TENM2: variants seen among roughly 807,000 people sequenced by gnomAD.
TENM2 encodes the protein teneurin-2.
A neutral mutation model predicts 245.2 loss-of-function variants in TENM2; 52 were observed. That is an observed-to-expected ratio of 0.21 (90% confidence interval 0.17 to 0.27). The LOEUF (loss-of-function observed/expected upper bound fraction) is 0.27. Ranked by LOEUF, TENM2 falls within the 10% of genes least tolerant of loss-of-function variation. TENM2 has a pLI of 1.00. For synonymous variants in TENM2, 1,363 were observed against 1,438.9 expected, an observed-to-expected ratio of 0.95 and a Z score of 1.19; for missense variants, 3,046 against 3,666.8, an observed-to-expected ratio of 0.83 and a Z score of 4.37.
At chr5:167,275,656 G>T in the TENM2 span, among the ~76,000 whole-genome samples, 1 of 151,980 alleles carries the variant, frequency 6.6e-6, no homozygotes, top group African/African-American at 2.4e-5. Flanking sequence ...GTGCCCATGT[G>T]TTCATTGCTA....
intron 2 of TENM2, among the ~76,000 whole-genome samples, chr5:167,675,876 A>G (rs1336922612): frequency 6.6e-6 from 1 of 152,104 alleles, no homozygotes; most frequent in African/African-American, 2.4e-5. Flanking sequence ...CAGTAAATTT[A>G]TCTTCCCTCC....
chr5:167,671,976 T>C (rs1755978361), intron 2 of TENM2, among the ~76,000 whole-genome samples: 1 of 152,016 alleles, frequency 6.6e-6, no homozygotes, highest in African/African-American at 2.4e-5. Context: ...TTTCCTGCAT[T>C]ATCTCACTTA....
At chr5:167,072,200 A>G in the TENM2 span, among the ~76,000 whole-genome samples, 1 of 152,172 alleles carries the variant, frequency 6.6e-6, no homozygotes, top group African/African-American at 2.4e-5. Flanking sequence ...GGAGGAATAC[A>G]TTTAGCATCC....
chr5:167,840,373 A>G (rs1676143867), intron 2 of TENM2, among the ~76,000 whole-genome samples: 2 of 152,186 alleles, frequency 1.3e-5, no homozygotes, highest in South Asian at 4.1e-4. Context: ...AAATATCATG[A>G]GAGAGAAATG....
In TENM2 at chr5:168,109,859, T is replaced by A. The variant is rs1794533828; in HGVS notation, c.1814-8433T>A. Among the ~76,000 whole-genome samples the A allele has an allele frequency of 2.0e-5, 3 of 152,098 alleles. No individual in the cohort carries two copies. In the South Asian group the frequency reaches 6.2e-4, roughly 32 times the overall value. On this transcript the variant is annotated intron_variant, in intron 9 of 28. Coordinates refer to ENST00000518659, the Ensembl canonical transcript of TENM2. Reference sequence around the variant, plus strand: ...ATGGAGGAGCCCTTTCCTCCCCAGTTTGGAAGTTGCAGTGCACATTATTTG... The same window carrying A: ...ATGGAGGAGCCCTTTCCTCCCCAGTATGGAAGTTGCAGTGCACATTATTTG...
chr5:167,255,327 G>A, the TENM2 span, among the ~76,000 whole-genome samples: 1 of 152,008 alleles, frequency 6.6e-6, no homozygotes, highest in Non-Finnish European at 1.5e-5. Flanking sequence ...TTTCCTTTCA[G>A]ATGACTGTAA....
chr5:167,872,651 G>A (rs1773085932), intron 2 of TENM2, among the ~76,000 whole-genome samples: 1 of 152,222 alleles, frequency 6.6e-6, no homozygotes, highest in Admixed American at 6.5e-5. Context: ...GTACCAGTAA[G>A]CAGAGTTGAA....
chr5:167,555,974 A>G (rs186164459), intron 2 of TENM2, among the ~76,000 whole-genome samples: 1 of 152,092 alleles, frequency 6.6e-6, no homozygotes, highest in African/African-American at 2.4e-5. Flanking sequence ...CTCAAATCCT[A>G]TGTTTGGGGA....
intron 2 of TENM2, among the ~76,000 whole-genome samples, chr5:167,510,416 T>A (rs1769861625): frequency 6.6e-6 from 1 of 152,186 alleles, no homozygotes; most frequent in African/African-American, 2.4e-5. Flanking sequence ...AGCACCCATT[T>A]GTAGAGCTCA....
intron 3 of TENM2, among the ~76,000 whole-genome samples, chr5:167,896,629 G>C (rs989556227): frequency 2.0e-5 from 3 of 152,186 alleles, no homozygotes; most frequent in African/African-American, 7.2e-5. Flanking sequence ...AGGTGGAAAT[G>C]TGCCCTTATT....
chr5:167,872,360 AG>A (rs1561880501), intron 2 of TENM2, among the ~76,000 whole-genome samples: 18 of 144,584 alleles, frequency 1.2e-4, no homozygotes, highest in African/African-American at 4.6e-4. Flanking sequence ...GAAAGGAAAG[AG>A]AAGGAAGGAA....
intron 7 of TENM2, among the ~76,000 whole-genome samples, chr5:168,076,918 T>C (rs1298488008): frequency 6.6e-6 from 1 of 152,096 alleles, no homozygotes; most frequent in Non-Finnish European, 1.5e-5. Context: ...CAGCACCCCC[T>C]ACTGGCTGCC....
chr5:167,581,383 T>C (rs1267873296), intron 2 of TENM2, among the ~76,000 whole-genome samples: 2 of 152,196 alleles, frequency 1.3e-5, no homozygotes, highest in Non-Finnish European at 2.9e-5. Flanking sequence ...ATACTTGAAG[T>C]TGTTAAATGT....
intron 5 of TENM2, among the ~76,000 whole-genome samples, chr5:168,024,118 A>G (rs907920281): frequency 3.9e-5 from 6 of 152,194 alleles, no homozygotes; most frequent in African/African-American, 1.2e-4. Flanking sequence ...AGCAACCTCA[A>G]TTTTAATAAT....
At chr5:167,776,100 A>T (rs1763744136) in intron 2 of TENM2, among the ~76,000 whole-genome samples, 1 of 151,314 alleles carries the variant, frequency 6.6e-6, no homozygotes. Flanking sequence ...TTGTTAAGTG[A>T]AAGAAGCTTA....
chr5:168,054,840 C>T lies in TENM2; in HGVS notation c.1310-7220C>T, dbSNP rs574547946. On this transcript the variant is annotated intron_variant, in intron 6 of 28. Transcript: ENST00000518659. ...AGTTGGACTATCCTGTAAAATTGAT[C>T]ATTAGAATGTTGCCTCTAAAAACCC... is the stretch of plus-strand genomic sequence containing the variant. Among the ~76,000 whole-genome samples, 8 of 152,298 alleles carry T rather than the reference C, an allele frequency of 5.3e-5. No homozygotes were observed. In the East Asian group the frequency reaches 1.5e-3, roughly 29 times the overall value.
At chr5:167,915,483 C>G (rs887935512) in intron 3 of TENM2, among the ~76,000 whole-genome samples, 3 of 152,108 alleles carry the variant, frequency 2.0e-5, no homozygotes, top group African/African-American at 4.8e-5. Context: ...TCCCCTACAC[C>G]CCCACCAACC....
chr5:168,198,591 T>C (rs902105132), intron 15 of TENM2, among the ~76,000 whole-genome samples: 5 of 152,236 alleles, frequency 3.3e-5, no homozygotes, highest in African/African-American at 1.2e-4. Flanking sequence ...TGTTTCACTC[T>C]TAGTCATGCC....
chr5:167,706,367 C>T (rs577253641), intron 2 of TENM2, among the ~76,000 whole-genome samples: 5 of 146,390 alleles, frequency 3.4e-5, no homozygotes, highest in South Asian at 2.1e-4. Context: ...AAATGTGATA[C>T]AGTATATATA....
Sources: allele counts gnomAD v4.1 joint callset (sites outside exome capture counted in the v4.1 genomes callset), GRCh38; gene constraint gnomAD v4.1.1; transcripts MANE v1.5; gene names NCBI Gene and HGNC (gene_info 2026-07-23, HGNC 2026-07-21).